ATP1B3: variants seen among roughly 807,000 people sequenced by gnomAD.
ATP1B3 encodes the protein ATPase Na+/K+ transporting subunit beta 3.
ATP1B3 carries 10 observed loss-of-function variants against 30.2 expected under a neutral mutation model. The observed-to-expected ratio is 0.33, with a 90% CI of 0.20 to 0.56. The LOEUF is 0.56. Ranked by LOEUF, ATP1B3 falls within the 20% of genes least tolerant of loss-of-function variation. The pLI is 0.90. For missense variants in ATP1B3, 238 were observed against 336.7 expected, an observed-to-expected ratio of 0.71 and a Z score of 2.29; for synonymous variants, 113 against 117.0, an observed-to-expected ratio of 0.97 and a Z score of 0.22.
intron 1 of ATP1B3, among the ~76,000 whole-genome samples, chr3:141,901,657 G>A (rs888163728): frequency 1.3e-5 from 2 of 152,050 alleles, no homozygotes; most frequent in African/African-American, 4.8e-5. Context: ...TCCTTAGAAA[G>A]CAGATTTGGA....
intron 6 of ATP1B3, among the ~76,000 whole-genome samples, chr3:141,925,272 G>A (rs545867173): frequency 1.3e-5 from 2 of 152,178 alleles, no homozygotes; most frequent in Non-Finnish European, 2.9e-5. Flanking sequence ...TTTGAGATTA[G>A]CCTGGGCAGG....
chr3:141,920,935 G>A lies in ATP1B3; in HGVS notation c.583-1042G>A, dbSNP rs114597635. 7.0e-3 allele frequency among the ~76,000 whole-genome samples: 1,070 copies of A among 152,166 alleles called. 13 individuals carry two copies. The highest frequency in any genetic ancestry group is 0.024 in the African/African-American group (1,010 of 41,490). On this transcript the variant is annotated intron_variant, in intron 5 of 6. Coordinates refer to ENST00000286371, the MANE Select transcript of ATP1B3 (RefSeq NM_001679.4). The stretch of plus-strand genomic sequence containing the variant: ...GCTGTCTGGCCGGTGCCTTTCATCT[G>A]TCTCTCACCCCACCCCACAGCCATA...
At chr3:141,910,818 T>A (rs920487535) in intron 3 of ATP1B3, among the ~76,000 whole-genome samples, 2 of 151,762 alleles carry the variant, frequency 1.3e-5, no homozygotes, top group Non-Finnish European at 2.9e-5. Context: ...TCTCTTAATT[T>A]ACTCCTTAGT....
chr3:141,913,860 T>A, intron 4 of ATP1B3, 24 bp downstream of exon 4: 1 of 1,567,814 alleles, frequency 6.4e-7, no homozygotes, highest in Non-Finnish European at 8.6e-7. Context: ...TTACCTCTGC[T>A]GCTGCTTTTT....
chr3:141,913,559 C>A, intron 3 of ATP1B3, 93 bp from the exon 4 acceptor site: 3 of 1,120,300 alleles, frequency 2.7e-6, no homozygotes, highest in Non-Finnish European at 3.7e-6. Context: ...CTGTTTTTGT[C>A]TTTGAAGAAC....
At chr3:141,894,732 G>C (rs928665716) in intron 1 of ATP1B3, among the ~76,000 whole-genome samples, 3 of 152,154 alleles carry the variant, frequency 2.0e-5, no homozygotes, top group Non-Finnish European at 2.9e-5. Context: ...TGTCCTCTGT[G>C]ATGACAATGC....
At chr3:141,919,390 T>TA (rs1458783585) in intron 5 of ATP1B3, among the ~76,000 whole-genome samples, 1 of 152,116 alleles carries the variant, frequency 6.6e-6, no homozygotes, top group Non-Finnish European at 1.5e-5. Context: ...ATGCTGGAAT[T>TA]ACAGGTGTGA....
chr3:141,903,597 A>C (rs948120244), intron 1 of ATP1B3, 23 bp from the exon 2 acceptor site: 3 of 1,612,278 alleles, frequency 1.9e-6, no homozygotes, highest in Admixed American at 1.7e-5. Flanking sequence ...TGCACATTTC[A>C]TAAGTTTTAT....
At chr3:141,882,457 G>T (rs973456222) in intron 1 of ATP1B3, among the ~76,000 whole-genome samples, 1 of 152,076 alleles carries the variant, frequency 6.6e-6, no homozygotes, top group Non-Finnish European at 1.5e-5. Context: ...TGATGTGCTG[G>T]AGGTGTCCTT....
intron 3 of ATP1B3, among the ~76,000 whole-genome samples, chr3:141,909,090 T>A (rs1200696963): frequency 5.3e-5 from 8 of 152,198 alleles, no homozygotes; most frequent in African/African-American, 1.9e-4. Context: ...TTCAACTCTC[T>A]CCTATCTTAA....
At chr3:141,920,753 TAAAG>T (rs2107779782) in intron 5 of ATP1B3, among the ~76,000 whole-genome samples, 1 of 152,302 alleles carries the variant, frequency 6.6e-6, no homozygotes, top group East Asian at 1.9e-4. Context: ...TTTTTTAAGT[TAAAG>T]AGTACAAATG....
intron 1 of ATP1B3, among the ~76,000 whole-genome samples, chr3:141,895,188 C>CTTTTTTTTTT (rs1176839559): frequency 8.2e-6 from 1 of 121,434 alleles, no homozygotes; most frequent in Non-Finnish European, 1.8e-5. Flanking sequence ...TCTTTCTTTT[C>CTTTTTTTTTT]TTTTTTTTTT....
At chr3:141,913,562 T>C (rs376256033) in intron 3 of ATP1B3, 90 bp from the exon 4 acceptor site, 6 of 1,150,234 alleles carry the variant, frequency 5.2e-6, no homozygotes, top group East Asian at 2.6e-5. Flanking sequence ...TTTTTGTCTT[T>C]GAAGAACATT....
intron 3 of ATP1B3, among the ~76,000 whole-genome samples, chr3:141,908,368 T>C (rs1934300358): frequency 6.6e-6 from 1 of 152,172 alleles, no homozygotes; most frequent in Non-Finnish European, 1.5e-5. Flanking sequence ...CATGATCAGC[T>C]CATCTCTTCC....
intron 1 of ATP1B3, among the ~76,000 whole-genome samples, chr3:141,878,702 G>T (rs1933655724): frequency 6.6e-6 from 1 of 152,204 alleles, no homozygotes; most frequent in Non-Finnish European, 1.5e-5. Context: ...TACAAGTGAA[G>T]TTGGGATTCA....
At chr3:141,889,137 A>T (rs1258991907) in intron 1 of ATP1B3, among the ~76,000 whole-genome samples, 2 of 152,144 alleles carry the variant, frequency 1.3e-5, no homozygotes, top group Non-Finnish European at 2.9e-5. Flanking sequence ...AGAACTCATT[A>T]TCACAAGAAC....
intron 3 of ATP1B3, among the ~76,000 whole-genome samples, chr3:141,908,895 G>T (rs908291090): frequency 3.5e-4 from 53 of 152,148 alleles, no homozygotes; most frequent in African/African-American, 1.3e-3. Flanking sequence ...CAGCCATTTT[G>T]TCTGTCACAT....
rs964243880 is a variant in ATP1B3 at position 141,916,651 on chromosome 3, G to C, written c.582+631G>C. 3 of 1,015,870 alleles carry C rather than the reference G, an allele frequency of 3.0e-6. No homozygotes were observed. The African/African-American group carries it at 5.1e-5, about 17-fold the overall frequency. 62.9% of individuals were successfully genotyped at this position (1,015,870 alleles called of 1,614,324 possible). ...TTAACATTTCAACTCTGATTGTATG[G>C]CAGAAATATTTTACTTAGAATGTTA... On this transcript the variant is annotated intron_variant, in intron 5 of 6. Transcript: ENST00000286371.
At chr3:141,878,296 A>G (rs2107924777) in intron 1 of ATP1B3, among the ~76,000 whole-genome samples, 1 of 152,344 alleles carries the variant, frequency 6.6e-6, no homozygotes, top group East Asian at 1.9e-4. Context: ...CATGATTTTT[A>G]TTTAAATTGC....
Sources: gnomAD v4.1 joint callset for allele counts (sites outside exome capture counted in the v4.1 genomes callset) on GRCh38, gnomAD v4.1.1 for gene constraint, MANE v1.5 for transcripts, NCBI Gene and HGNC (gene_info 2026-07-23, HGNC 2026-07-21) for gene names.